ANTXR2: variants seen among roughly 807,000 people sequenced by gnomAD.
ANTXR2 encodes the protein ANTXR cell adhesion molecule 2.
Under a neutral mutation model 73.7 loss-of-function variants are expected in ANTXR2, and 44 were observed. The ratio of observed to expected loss-of-function variants is 0.60; its 90% CI spans 0.47 to 0.77. The LOEUF (loss-of-function observed/expected upper bound fraction) is 0.77, where lower values mean the gene tolerates loss of function less well. Ranked by LOEUF, ANTXR2 falls within the 30% of genes least tolerant of loss-of-function variation. The pLI, the probability that ANTXR2 is intolerant of heterozygous loss-of-function variation, is 0.00. For missense variants in ANTXR2, 604 were observed against 592.5 expected, an observed-to-expected ratio of 1.02 and a Z score of -0.20; for synonymous variants, 217 against 205.9, an observed-to-expected ratio of 1.05 and a Z score of -0.46.
intron 16 of ANTXR2, among the ~76,000 whole-genome samples, chr4:79,930,945 T>C (rs921047024): frequency 1.2e-4 from 19 of 152,206 alleles, no homozygotes; most frequent in African/African-American, 4.3e-4. Context: ...TGCAATACAA[T>C]TTAAAATAAT....
At chr4:80,000,865 T>C (rs1730995935) in intron 12 of ANTXR2, among the ~76,000 whole-genome samples, 1 of 152,048 alleles carries the variant, frequency 6.6e-6, no homozygotes, top group East Asian at 1.9e-4. Flanking sequence ...TTTTAAGAGG[T>C]TCAATAGTTC....
intron 16 of ANTXR2, among the ~76,000 whole-genome samples, chr4:79,911,205 A>C (rs915063907): frequency 1.3e-5 from 2 of 152,200 alleles, no homozygotes; most frequent in African/African-American, 4.8e-5. Flanking sequence ...AAGGCTTACA[A>C]GTCTGTCATA....
chr4:79,923,122 T>C (rs564500468), intron 16 of ANTXR2, among the ~76,000 whole-genome samples: 1 of 152,182 alleles, frequency 6.6e-6, no homozygotes, highest in South Asian at 2.1e-4. Context: ...TGATCACTAC[T>C]GGGCTTGAAA....
chr4:80,010,575 A>C (rs979480454), intron 11 of ANTXR2, among the ~76,000 whole-genome samples: 2 of 152,200 alleles, frequency 1.3e-5, no homozygotes, highest in Non-Finnish European at 2.9e-5. Context: ...ACCCATGTTC[A>C]GAAATAAGGA....
At chr4:79,996,318 T>G (rs201661260) in intron 12 of ANTXR2, among the ~76,000 whole-genome samples, 1 of 148,872 alleles carries the variant, frequency 6.7e-6, no homozygotes, top group East Asian at 2.0e-4. Context: ...CGGATGGATA[T>G]ATGGATGGAT....
intron 16 of ANTXR2, among the ~76,000 whole-genome samples, chr4:79,937,407 ATCT>A (rs1463809250): frequency 6.6e-6 from 1 of 152,190 alleles, no homozygotes; most frequent in Non-Finnish European, 1.5e-5. Flanking sequence ...ATTTGGACAT[ATCT>A]TCATTGAAAG....
chr4:80,010,725 A>T (rs559580702), intron 11 of ANTXR2, among the ~76,000 whole-genome samples: 1 of 152,168 alleles, frequency 6.6e-6, no homozygotes, highest in Non-Finnish European at 1.5e-5. Context: ...GATACTCAAA[A>T]TTTTTTATTT....
intron 16 of ANTXR2, among the ~76,000 whole-genome samples, chr4:79,928,959 T>C (rs917635337): frequency 2.0e-5 from 3 of 152,166 alleles, no homozygotes; most frequent in Admixed American, 2.0e-4. Context: ...CCCAAGAGAA[T>C]GGTTAACAGA....
intron 16 of ANTXR2, among the ~76,000 whole-genome samples, chr4:79,975,259 T>C (rs1046574548): frequency 1.3e-5 from 2 of 152,192 alleles, no homozygotes; most frequent in African/African-American, 4.8e-5. Context: ...AATCTTTACT[T>C]TCCTATGCAC....
intron 14 of ANTXR2, among the ~76,000 whole-genome samples, chr4:79,982,244 A>T (rs1436615150): frequency 2.0e-5 from 3 of 152,150 alleles, no homozygotes; most frequent in Non-Finnish European, 4.4e-5. Flanking sequence ...TATTATTCTG[A>T]ATATGAAGTA....
At position 79,984,851 on chromosome 4, in the gene ANTXR2, G is replaced by C. The variant is rs775251338; in HGVS notation, c.1054C>G (p.Pro352Ala). The change falls in exon 13 of 17, where the codon CCT becomes GCT. Residue 352 changes from proline to alanine, a missense_variant. Coordinates refer to ENST00000403729, the MANE Select transcript of ANTXR2 (RefSeq NM_058172.6). ...PLCCKVVIKD[P>A]PPPPAPAPKE... ...GGTGCAGGGGCGGGTGGTGGTGGAG[G>C]ATCCTTAATAACCTGTCAAAAAAAA... The C allele has an allele frequency of 6.2e-7, 1 of 1,606,390 alleles. No individual in the cohort carries two copies. Among genetic ancestry groups the C allele is most frequent in the Non-Finnish European group, 8.5e-7 (1 of 1,175,802 alleles).
At chr4:80,052,408 T>G (rs1344205805) in intron 7 of ANTXR2, among the ~76,000 whole-genome samples, 2 of 151,708 alleles carry the variant, frequency 1.3e-5, no homozygotes, top group Non-Finnish European at 3.0e-5. Flanking sequence ...ACATTGCCTT[T>G]AATTTCTACA....
At chr4:79,936,911 A>C (rs888086749) in intron 16 of ANTXR2, among the ~76,000 whole-genome samples, 35 of 152,146 alleles carry the variant, frequency 2.3e-4, no homozygotes, top group African/African-American at 7.0e-4. Flanking sequence ...AACTACACTT[A>C]TATTTTCTAT....
rs1197173419 is a variant in ANTXR2 at position 80,000,536 on chromosome 4, C to T, written c.1041+7985G>A. On this transcript the variant is annotated intron_variant, in intron 12 of 16. Transcript: ENST00000403729. ...TAGGTAGAATACACACAGTACCTGCCTTCATGAAATTATTAGTCTATAAGG... is the reference window on the plus strand; with the variant it reads ...TAGGTAGAATACACACAGTACCTGCTTTCATGAAATTATTAGTCTATAAGG... 4.6e-5 allele frequency among the ~76,000 whole-genome samples: 7 copies of T among 152,094 alleles called. No individual in the cohort carries two copies. The East Asian group carries it at 1.4e-3, about 29-fold the overall frequency.
At chr4:79,958,727 A>G (rs1729030227) in intron 16 of ANTXR2, among the ~76,000 whole-genome samples, 1 of 152,178 alleles carries the variant, frequency 6.6e-6, no homozygotes, top group Admixed American at 6.6e-5. Context: ...TCTAGTTAAG[A>G]GCATAAGACT....
chr4:79,914,168 T>C (rs1727256383), intron 16 of ANTXR2, among the ~76,000 whole-genome samples: 1 of 152,164 alleles, frequency 6.6e-6, no homozygotes. Flanking sequence ...TTCTCCTTGG[T>C]GTTCAGAGCT....
chr4:79,919,776 C>A (rs535087664), intron 16 of ANTXR2, among the ~76,000 whole-genome samples: 1 of 138,876 alleles, frequency 7.2e-6, no homozygotes, highest in Admixed American at 7.4e-5. Flanking sequence ...ACCTTGTGAT[C>A]GTGTGAGTCA....
chr4:80,019,937 G>A lies in ANTXR2; in HGVS notation c.867-961C>T, dbSNP rs377552991. Among the ~76,000 whole-genome samples the A allele has an allele frequency of 3.9e-5, 6 of 152,088 alleles. No homozygotes were observed. In the South Asian group the frequency reaches 1.0e-3, roughly 26 times the overall value. ...AGATTGATTATTTGGGATTAGCCTA[G>A]AGTTAGTAATTTTTTATTATAAAAA... On this transcript the variant is annotated intron_variant, in intron 10 of 16. Transcript: ENST00000403729.
chr4:79,915,599 C>A (rs1246539239), intron 16 of ANTXR2, among the ~76,000 whole-genome samples: 1 of 151,832 alleles, frequency 6.6e-6, no homozygotes, highest in Non-Finnish European at 1.5e-5. Context: ...ATGTTGTGTA[C>A]GACAGTAAAG....
Sources: gnomAD v4.1 joint callset for allele counts (sites outside exome capture counted in the v4.1 genomes callset) on GRCh38, gnomAD v4.1.1 for gene constraint, MANE v1.5 for transcripts, NCBI Gene and HGNC (gene_info 2026-07-23, HGNC 2026-07-21) for gene names.